Variants in CHST15 observed in about 807,000 individuals in gnomAD.
The protein encoded by CHST15 is B cell RAG associated protein (GALNAC4S-6ST).
CHST15 carries 30 observed loss-of-function variants against 53.6 expected under a neutral mutation model. The ratio of observed to expected loss-of-function variants is 0.56; its 90% CI spans 0.42 to 0.76. The LOEUF (loss-of-function observed/expected upper bound fraction) is 0.76. Among genes scored for constraint, CHST15 ranks in the 30% least tolerant of loss-of-function variants. The pLI is 0.00. For missense variants in CHST15, 627 were observed against 740.5 expected, an observed-to-expected ratio of 0.85 and a Z score of 1.78; for synonymous variants, 296 against 289.8, an observed-to-expected ratio of 1.02 and a Z score of -0.22.
intron 1 of CHST15, among the ~76,000 whole-genome samples, chr10:124,068,968 T>C: frequency 6.6e-6 from 1 of 152,224 alleles, no homozygotes; most frequent in East Asian, 1.9e-4. Flanking sequence ...AAGGAGATAA[T>C]CGAAGCTAGA....
At position 124,014,680 on chromosome 10, in the gene CHST15, G is replaced by C. The variant is rs372072639; in HGVS notation, c.1348-2200C>G. Among the ~76,000 whole-genome samples the C allele has an allele frequency of 5.9e-5, 9 of 152,298 alleles. No individual in the cohort carries two copies. In the East Asian group the frequency reaches 9.7e-4, roughly 16 times the overall value. On this transcript the variant is annotated intron_variant, in intron 6 of 7. Coordinates refer to ENST00000435907, the MANE Select transcript of CHST15 (RefSeq NM_001270764.2). ...AGGCCGTCCCTCGTAGGGGAGACCAGTCTGATGAGGTTTTTCTTTTCCAGA... is the reference window on the plus strand; with the variant it reads ...AGGCCGTCCCTCGTAGGGGAGACCACTCTGATGAGGTTTTTCTTTTCCAGA...
At chr10:124,031,365 G>A (rs1468070843) in intron 5 of CHST15, among the ~76,000 whole-genome samples, 2 of 152,242 alleles carry the variant, frequency 1.3e-5, no homozygotes, top group Non-Finnish European at 2.9e-5. Context: ...ATCAGTAGGT[G>A]ATGTCATTAT....
At chr10:124,092,012 A>G (rs1300627984) in intron 1 of CHST15, among the ~76,000 whole-genome samples, 1 of 150,624 alleles carries the variant, frequency 6.6e-6, no homozygotes, top group African/African-American at 2.5e-5. Context: ...CAACACGCAC[A>G]CACTCGCGCG....
chr10:124,045,534 T>A, intron 2 of CHST15, 133 bp downstream of exon 2: 4 of 923,782 alleles, frequency 4.3e-6, no homozygotes, highest in Non-Finnish European at 6.6e-6. Context: ...CATAAGGCTG[T>A]CAAATGATCC....
chr10:124,022,811 C>CTTTTTTTTT (rs924775599), intron 5 of CHST15, among the ~76,000 whole-genome samples: 1 of 100,420 alleles, frequency 1.0e-5, no homozygotes, highest in African/African-American at 4.1e-5. Flanking sequence ...CTTGGCATTT[C>CTTTTTTTTT]TTTTTTTTTT....
intron 5 of CHST15, among the ~76,000 whole-genome samples, chr10:124,021,827 A>G (rs147178884): frequency 2.6e-5 from 4 of 152,296 alleles, no homozygotes; most frequent in African/African-American, 9.6e-5. Flanking sequence ...CAAAAATAAG[A>G]GCATCTGTTG....
chr10:124,070,595 T>C (rs1781280444), intron 1 of CHST15, among the ~76,000 whole-genome samples: 1 of 152,184 alleles, frequency 6.6e-6, no homozygotes, highest in Admixed American at 6.5e-5. Flanking sequence ...CAGGATGGTC[T>C]TGATCTCTTG....
chr10:124,040,837 TTTTATTTTTCATTCTTTTTAAAATC>T (rs1310446669), intron 4 of CHST15, among the ~76,000 whole-genome samples: 1 of 152,256 alleles, frequency 6.6e-6, no homozygotes, highest in Non-Finnish European at 1.5e-5. Context: ...AGCACAGTGA[TTTTATTTTTCATTCTTTTTAAAATC>T]TTGGAGCAAG....
In CHST15 at chr10:124,092,130, A is replaced by T. The variant is rs141001485; in HGVS notation, c.-513+1339T>A. On this transcript the variant is annotated intron_variant, in intron 1 of 7. Transcript: ENST00000435907. ...TTCGCCCCGGCGCCTCTATCCTGCC[A>T]TCCCAGGGGGCCAATTGCGCCACAG... is the stretch of plus-strand genomic sequence containing the variant. Among the ~76,000 whole-genome samples the T allele has an allele frequency of 9.9e-5, 15 of 152,200 alleles. No homozygotes were observed. The East Asian group carries it at 2.7e-3, about 28-fold the overall frequency.
chr10:124,052,002 G>A (rs935464606), intron 1 of CHST15, among the ~76,000 whole-genome samples: 4 of 152,138 alleles, frequency 2.6e-5, no homozygotes, highest in African/African-American at 7.2e-5. Context: ...CTTCATTTAG[G>A]TAGAACATTT....
At position 124,046,394 on chromosome 10, in the gene CHST15, C is replaced by A; in HGVS notation, c.-182G>T. The stretch of plus-strand genomic sequence containing the variant: ...GCACTAGAGAAAGAGGGTGCACATT[C>A]TTTGGTTCAGCTCCGAAAGAAAACA... On this transcript the variant is annotated 5_prime_UTR_variant, in exon 2 of 8. Coordinates refer to ENST00000435907, the MANE Select transcript of CHST15 (RefSeq NM_001270764.2). The A allele has an allele frequency of 1.7e-6, 1 of 583,444 alleles. No homozygotes were observed. Among genetic ancestry groups the A allele is most frequent in the Non-Finnish European group, 2.9e-6 (1 of 343,560 alleles). The allele number at this position is 583,444 out of a possible 1,614,324, so 36.1% of individuals were successfully genotyped here.
chr10:124,016,069 T>C (rs1299151928), intron 6 of CHST15, among the ~76,000 whole-genome samples: 1 of 152,166 alleles, frequency 6.6e-6, no homozygotes, highest in East Asian at 1.9e-4. Context: ...CCAGGGGCTG[T>C]GGCTGCTGCT....
rs904860883 is a variant in CHST15 at position 124,021,364 on chromosome 10, G to A, written c.1239C>T (p.Asp413=). 42 of 1,613,900 alleles carry A rather than the reference G, an allele frequency of 2.6e-5. No homozygotes were observed. Among genetic ancestry groups the A allele is most frequent in the Non-Finnish European group, 3.3e-5 (39 of 1,179,994 alleles). ...CTTCTGTCACTTTCTCATGGAAGTC[G>A]TCCGCGGATTTATTCGAACTTGCAA... is the stretch of plus-strand genomic sequence containing the variant. ...LYFASSNKSA[D]DFHEKVTEAL... The change falls in exon 6 of 8, where the codon GAC becomes GAT. Residue 413 remains aspartate, a synonymous_variant. Transcript: ENST00000435907.
rs1946334129 is a variant in CHST15 at position 124,008,786 on chromosome 10, T to C, written c.*1363A>G. 8.5e-7 allele frequency: 1 copy of C among 1,178,368 alleles called. No homozygotes were observed. Among genetic ancestry groups the C allele is most frequent in the Non-Finnish European group, 1.1e-6 (1 of 931,810 alleles). The allele number at this position is 1,178,368 out of a possible 1,614,324, so 73.0% of individuals were successfully genotyped here. ...GTTCACAGGAAGCTTCCCTTGACAA[T>C]ACTTGAGTGCAAAGCTTCATCCAGG... On this transcript the variant is annotated 3_prime_UTR_variant, in exon 8 of 8. Transcript: ENST00000435907.
rs1946927311 is a variant in CHST15, at chr10:124,024,699, A to C, written c.1191-3287T>G. ...ACTGAAACACGGCATCTGTCGCCAT[A>C]GGGTCGCTCATGGTTACTATGACCT... On this transcript the variant is annotated intron_variant, in intron 5 of 7. Coordinates refer to ENST00000435907, the MANE Select transcript of CHST15 (RefSeq NM_001270764.2). The surrounding 1 kb of genome is among the most constrained non-coding windows in gnomAD (Gnocchi z 4.0). Among the ~76,000 whole-genome samples the C allele has an allele frequency of 6.6e-6, 1 of 152,234 alleles. No individual in the cohort carries two copies. The highest frequency in any genetic ancestry group is 2.4e-5 in the African/African-American group (1 of 41,454).
In CHST15 at chr10:124,022,082, G is replaced by A. The variant is rs74835653; in HGVS notation, c.1191-670C>T. 5.9e-5 allele frequency among the ~76,000 whole-genome samples: 9 copies of A among 152,278 alleles called. No individual in the cohort carries two copies. The South Asian group carries it at 1.2e-3, about 21-fold the overall frequency. On this transcript the variant is annotated intron_variant, in intron 5 of 7. Transcript: ENST00000435907. ...GAATGCTGCCGCACGGGAACTGATC[G>A]TCTTCCTTGACCCACTTCAGGCTCC...
chr10:124,085,909 G>A (rs76112492), intron 1 of CHST15, among the ~76,000 whole-genome samples: 335 of 152,260 alleles, frequency 2.2e-3, no homozygotes, highest in African/African-American at 7.7e-3. Flanking sequence ...TCCAGTGGCC[G>A]GGGGACCCAA....
chr10:124,036,229 G>A lies in CHST15; in HGVS notation c.1190+2286C>T, dbSNP rs1032747170. ...GACAGTTATGTCACCATGAGAGCTCGGCTAGTGTGCGTCAGCCCTGCTGGA... is the reference window on the plus strand; with the variant it reads ...GACAGTTATGTCACCATGAGAGCTCAGCTAGTGTGCGTCAGCCCTGCTGGA... On this transcript the variant is annotated intron_variant, in intron 5 of 7. Transcript: ENST00000435907. This position sits in a 1 kb window ranked among gnomAD's most constrained non-coding sequence, Gnocchi z 5.1. Among the ~76,000 whole-genome samples the A allele has an allele frequency of 2.0e-5, 3 of 152,184 alleles. No homozygotes were observed. Among genetic ancestry groups the A allele is most frequent in the Middle Eastern group, 3.2e-3 (1 of 316 alleles).
At chr10:124,034,636 T>C (rs1436086578) in intron 5 of CHST15, among the ~76,000 whole-genome samples, 1 of 85,714 alleles carries the variant, frequency 1.2e-5, no homozygotes, top group African/African-American at 6.5e-5. Context: ...CCCTGATAGG[T>C]ACCCTGGCTC....
Sources: allele counts gnomAD v4.1 joint callset (sites outside exome capture counted in the v4.1 genomes callset), GRCh38; gene constraint gnomAD v4.1.1; non-coding constraint Gnocchi (gnomAD v3.1); transcripts MANE v1.5; gene names NCBI Gene and HGNC (gene_info 2026-07-23, HGNC 2026-07-21).